The following FRAS1 variants were observed in gnomAD, a reference collection of about 807,000 sequenced individuals.
The protein encoded by FRAS1 is extracellular matrix organizing protein FRAS1.
FRAS1 carries 290 observed loss-of-function variants against 435.2 expected under a neutral mutation model. The observed-to-expected ratio is 0.67, with a 90% CI of 0.61 to 0.73. The LOEUF (loss-of-function observed/expected upper bound fraction) is 0.73. Among genes scored for constraint, FRAS1 ranks in the 30% least tolerant of loss-of-function variants. The probability of loss-of-function intolerance (pLI) is 0.00; values close to 1 mark genes in which losing one functional copy is unlikely to be tolerated. For synonymous variants in FRAS1, 1,800 were observed against 1,851.0 expected, an observed-to-expected ratio of 0.97 and a Z score of 0.71; for missense variants, 4,860 against 5,001.5, an observed-to-expected ratio of 0.97 and a Z score of 0.85.
At chr4:78,123,727 C>T (rs993996939) in intron 2 of FRAS1, among the ~76,000 whole-genome samples, 5 of 152,104 alleles carry the variant, frequency 3.3e-5, no homozygotes, top group Admixed American at 6.5e-5. Flanking sequence ...GTATTTTATT[C>T]TCTTAGTAGC....
At position 78,540,681 on chromosome 4, in the gene FRAS1, G is replaced by T. The variant is rs1466222570; in HGVS notation, c.11596G>T (p.Asp3866Tyr). Reference protein sequence around the residue: ...VEPDGQLILDDSLIYDNEGDQ... With the variant: ...VEPDGQLILDYSLIYDNEGDQ... ...GCCCGATGGCCAGCTGATCCTTGAT[G>T]ATTCCCTCATCTATGACAATGAAGG... Residue 3866 changes from aspartate (D) to tyrosine (Y), a missense_variant, in exon 74 of 74, where the codon GAT becomes TAT. Asp to Tyr is a radical substitution (Grantham distance 160). Transcript: ENST00000512123. 1 of 1,613,626 alleles carries T rather than the reference G, an allele frequency of 6.2e-7. No individual in the cohort carries two copies. Among genetic ancestry groups the T allele is most frequent in the Non-Finnish European group, 8.5e-7 (1 of 1,179,680 alleles).
intron 2 of FRAS1, among the ~76,000 whole-genome samples, chr4:78,160,533 C>G (rs541017948): frequency 1.3e-5 from 2 of 152,114 alleles, no homozygotes; most frequent in African/African-American, 4.8e-5. Context: ...GCTGGTGCCC[C>G]TACAATGCTG....
chr4:78,371,493 G>C (rs2110307054), intron 23 of FRAS1, among the ~76,000 whole-genome samples: 1 of 152,282 alleles, frequency 6.6e-6, no homozygotes, highest in East Asian at 1.9e-4. Flanking sequence ...GCCAGGCACT[G>C]TGCTAAATTA....
chr4:78,065,868 A>G (rs1198759050), intron 1 of FRAS1, 117 bp from the exon 2 acceptor site: 2 of 736,706 alleles, frequency 2.7e-6, no homozygotes, highest in South Asian at 1.7e-5. Flanking sequence ...TTTTGGAAGA[A>G]GCTCATTTTC....
At chr4:78,141,624 T>C (rs1311211308) in intron 2 of FRAS1, among the ~76,000 whole-genome samples, 2 of 152,094 alleles carry the variant, frequency 1.3e-5, no homozygotes, top group Non-Finnish European at 2.9e-5. Flanking sequence ...AGTACAATAA[T>C]GGGGCTGATG....
chr4:78,396,930 T>C (rs558416698), intron 29 of FRAS1, among the ~76,000 whole-genome samples: 1 of 152,350 alleles, frequency 6.6e-6, no homozygotes, highest in East Asian at 1.9e-4. Flanking sequence ...TTCTTGAGTT[T>C]GTTTAGTCAT....
intron 2 of FRAS1, among the ~76,000 whole-genome samples, chr4:78,167,268 G>A (rs772191032): frequency 2.0e-5 from 3 of 152,122 alleles, no homozygotes; most frequent in Non-Finnish European, 2.9e-5. Context: ...TGAAGCTAGA[G>A]AGGAATAAAA....
At chr4:78,298,022 C>CTATA (rs1162699323) in intron 14 of FRAS1, among the ~76,000 whole-genome samples, 1 of 106,576 alleles carries the variant, frequency 9.4e-6, no homozygotes. Flanking sequence ...CTCTCTCTCT[C>CTATA]TCTCTCTCTA....
Position 78,488,884 on chromosome 4 carries a change from T to G in FRAS1, c.8762T>G (p.Met2921Arg). 6.2e-7 allele frequency: 1 copy of G among 1,612,246 alleles called. No individual in the cohort carries two copies. The highest frequency in any genetic ancestry group is 1.1e-5 in the South Asian group (1 of 90,762). The change falls in exon 59 of 74, where the codon ATG (methionine) becomes AGG (arginine). Residue 2921 changes from methionine to arginine, a missense_variant. By Grantham distance (91) the Met-to-Arg change is moderately conservative (BLOSUM62 -1). Coordinates refer to ENST00000512123, the MANE Select transcript of FRAS1 (RefSeq NM_025074.7). The stretch of plus-strand genomic sequence containing the variant: ...CTGTCTGCCCACCTAGTGCCCAGCA[T>G]GCAGTTTGCCAAGGATTTGCTCCTA... ...INDTFQDVPS[M>R]QFAKDLLLVK...
Position 78,507,614 on chromosome 4 carries a change from T to A in FRAS1, c.9504+6T>A. 6.3e-7 allele frequency: 1 copy of A among 1,582,136 alleles called. No homozygotes were observed. The highest frequency in any genetic ancestry group is 8.5e-7 in the Non-Finnish European group (1 of 1,169,962). On this transcript the variant is annotated splice_donor_region_variant and intron_variant, in intron 62 of 73. Transcript: ENST00000512123. The stretch of plus-strand genomic sequence containing the variant: ...TATTGCCAGCACCACCCATTGTGAG[T>A]TGCTTGACCCAAAGGATTGCTGTTT...
intron 14 of FRAS1, among the ~76,000 whole-genome samples, chr4:78,297,131 T>C (rs762557812): frequency 4.6e-4 from 70 of 152,210 alleles, no homozygotes; most frequent in Non-Finnish European, 9.0e-4. Flanking sequence ...AACTGGATAA[T>C]AACAGAATGA....
At chr4:78,533,855 T>C (rs901010883) in intron 70 of FRAS1, among the ~76,000 whole-genome samples, 1 of 152,130 alleles carries the variant, frequency 6.6e-6, no homozygotes, top group African/African-American at 2.4e-5. Flanking sequence ...AGATAGCAAA[T>C]GCACTCAGTG....
chr4:78,441,288 A>C lies in FRAS1; in HGVS notation c.5656A>C (p.Thr1886Pro), dbSNP rs1243593846. 1 of 1,611,974 alleles carries C rather than the reference A, an allele frequency of 6.2e-7. No homozygotes were observed. Among genetic ancestry groups the C allele is most frequent in the Admixed American group, 1.7e-5 (1 of 59,756 alleles). ...ALPKYGCIEN[T>P]GTGDRFGPET... ...GCCCAAATATGGCTGCATTGAGAAC[A>C]CAGGAACAGGTACTACTTCCTGTAA... Residue 1886 changes from threonine (T) to proline (P), a missense_variant, in exon 41 of 74, where the codon ACA (threonine) becomes CCA (proline). Thr to Pro is a conservative substitution (Grantham distance 38). Transcript: ENST00000512123.
intron 14 of FRAS1, among the ~76,000 whole-genome samples, chr4:78,307,846 G>A (rs558149673): frequency 5.0e-4 from 76 of 152,278 alleles, no homozygotes; most frequent in African/African-American, 1.7e-3. Context: ...GCTGTAGGCC[G>A]GAGCTGTTCC....
chr4:78,464,546 C>T lies in FRAS1; in HGVS notation c.6992C>T (p.Thr2331Ile). 6.2e-7 allele frequency: 1 copy of T among 1,613,924 alleles called. No individual in the cohort carries two copies. Among genetic ancestry groups the T allele is most frequent in the Non-Finnish European group, 8.5e-7 (1 of 1,179,860 alleles). ...CAGGAGGGCATGAGGAAGACCATCA[C>T]AGAGTTTGAGCTTAAGGCGGTGGAT... ...RVQEGMRKTI[T>I]EFELKAVDAD... Residue 2331 changes from threonine (T) to isoleucine (I), a missense_variant, in exon 49 of 74, where the codon ACA becomes ATA. Physicochemically the swap from Thr to Ile is moderately conservative, Grantham distance 89 (BLOSUM62 -1). Coordinates refer to ENST00000512123, the MANE Select transcript of FRAS1 (RefSeq NM_025074.7).
At chr4:78,147,233 A>G (rs1031548716) in intron 2 of FRAS1, among the ~76,000 whole-genome samples, 2 of 152,186 alleles carry the variant, frequency 1.3e-5, no homozygotes, top group Non-Finnish European at 1.5e-5. Flanking sequence ...TAAAGGTGCA[A>G]TGAGTTTACA....
chr4:78,215,247 GT>G (rs1211570716), intron 2 of FRAS1, among the ~76,000 whole-genome samples: 25 of 152,092 alleles, frequency 1.6e-4, no homozygotes, highest in African/African-American at 6.0e-4. Flanking sequence ...CCAGGCTGGA[GT>G]GCAATGGTGT....
intron 2 of FRAS1, among the ~76,000 whole-genome samples, chr4:78,122,297 G>C (rs1433594070): frequency 6.6e-6 from 1 of 152,122 alleles, no homozygotes; most frequent in Admixed American, 6.5e-5. Flanking sequence ...CCCTGCAAAG[G>C]ACATTAACTC....
chr4:78,520,411 A>C (rs73828011), intron 67 of FRAS1, among the ~76,000 whole-genome samples: 3,789 of 151,556 alleles, frequency 0.025, 150 homozygotes, highest in African/African-American at 0.088. Flanking sequence ...CATACTAAAA[A>C]AAATACAAGA....
Sources: gnomAD v4.1 joint callset for allele counts (sites outside exome capture counted in the v4.1 genomes callset) on GRCh38, gnomAD v4.1.1 for gene constraint, MANE v1.5 for transcripts, NCBI Gene and HGNC (gene_info 2026-07-23, HGNC 2026-07-21) for gene names.